HEATR5B: variants seen among roughly 807,000 people sequenced by gnomAD.
HEATR5B encodes HEAT repeat containing 5B, also known as HEAT repeat-containing protein 5B.
A neutral mutation model predicts 224.1 loss-of-function variants in HEATR5B; 156 were observed. That is an observed-to-expected ratio of 0.70 (90% confidence interval 0.61 to 0.80). HEATR5B has a LOEUF of 0.80. Ranked by LOEUF, HEATR5B falls within the 30% of genes least tolerant of loss-of-function variation. The pLI, the probability that HEATR5B is intolerant of heterozygous loss-of-function variation, is 0.00. For synonymous variants in HEATR5B, 1,027 were observed against 893.0 expected, an observed-to-expected ratio of 1.15 and a Z score of -2.68; for missense variants, 2,323 against 2,535.5, an observed-to-expected ratio of 0.92 and a Z score of 1.80.
chr2:37,076,126 T>C (rs1335308228), intron 4 of HEATR5B: 1 of 87,380 alleles, frequency 1.1e-5, no homozygotes, highest in Non-Finnish European at 2.4e-5. Flanking sequence ...GTGCTTATTG[T>C]TATTTCTGAT....
chr2:36,985,252 A>C, intron 35 of HEATR5B, among the ~76,000 whole-genome samples: 1 of 152,094 alleles, frequency 6.6e-6, no homozygotes, highest in East Asian at 1.9e-4. Flanking sequence ...GTATCCTCCT[A>C]ATGAGTGTCA....
chr2:36,986,099 T>C (rs796081549), intron 35 of HEATR5B, among the ~76,000 whole-genome samples: 18 of 152,234 alleles, frequency 1.2e-4, no homozygotes, highest in African/African-American at 4.3e-4. Flanking sequence ...TAGAACGCAA[T>C]AAAACTTAGT....
chr2:36,992,278 A>G (rs1466770275), intron 33 of HEATR5B, among the ~76,000 whole-genome samples: 1 of 152,170 alleles, frequency 6.6e-6, no homozygotes, highest in Non-Finnish European at 1.5e-5. Flanking sequence ...TGAGTCACGA[A>G]TGTTAAAAAC....
intron 33 of HEATR5B, among the ~76,000 whole-genome samples, chr2:36,997,567 C>CT (rs10699174): frequency 0.22 from 28,079 of 129,326 alleles, 4,373 homozygotes; most frequent in East Asian, 0.65. Context: ...CTCTGCCATT[C>CT]TTTTTTTTTT....
intron 16 of HEATR5B, 56 bp downstream of exon 16, chr2:37,056,384 T>G (rs1233120967): frequency 2.1e-5 from 27 of 1,260,640 alleles, no homozygotes; most frequent in Non-Finnish European, 2.9e-5. Flanking sequence ...AAAATCTACT[T>G]TTCGTTTAAC....
At chr2:37,074,300 G>A (rs1035892859) in intron 5 of HEATR5B, among the ~76,000 whole-genome samples, 1 of 148,594 alleles carries the variant, frequency 6.7e-6, no homozygotes, top group African/African-American at 2.5e-5. Context: ...TCCAGCCTGG[G>A]GACAGAGCAA....
At chr2:37,033,283 A>G (rs1472029230) in intron 21 of HEATR5B, among the ~76,000 whole-genome samples, 1 of 152,142 alleles carries the variant, frequency 6.6e-6, no homozygotes, top group South Asian at 2.1e-4. Flanking sequence ...AAATACTACT[A>G]CTAATAAAAT....
intron 3 of HEATR5B, among the ~76,000 whole-genome samples, chr2:37,077,310 CT>C (rs1226282745): frequency 5.4e-4 from 78 of 145,208 alleles, no homozygotes; most frequent in Admixed American, 8.9e-4. Flanking sequence ...CCAAGCTTTT[CT>C]TTTTTTTTTT....
intron 33 of HEATR5B, among the ~76,000 whole-genome samples, chr2:36,997,413 T>G (rs1168810138): frequency 6.6e-6 from 1 of 152,020 alleles, no homozygotes; most frequent in East Asian, 1.9e-4. Flanking sequence ...GGTCACAAAC[T>G]CCTCTGCTCA....
rs148086344 is a variant in HEATR5B, at chr2:37,040,471, C to A, written c.2904G>T (p.Pro968=). 188 of 1,613,670 alleles carry A rather than the reference C, an allele frequency of 1.2e-4. 2 individuals carry two copies. The South Asian group carries it at 1.9e-3, about 16-fold the overall frequency. ...TTGGTTCCACATAGCCACGATACAT[C>A]GGACCACTAGAATCCACTATCAAAG... ...SLALIVDSSG[P]MYRGYVEPTL... is the part of the protein sequence containing the mutation. Residue 968 remains proline, a synonymous_variant, in exon 20 of 36, where the codon CCG becomes CCT. Coordinates refer to ENST00000233099, the MANE Select transcript of HEATR5B (RefSeq NM_019024.3).
At chr2:37,072,498 G>A (rs1229733419) in intron 5 of HEATR5B, among the ~76,000 whole-genome samples, 1 of 152,174 alleles carries the variant, frequency 6.6e-6, no homozygotes, top group Admixed American at 6.5e-5. Context: ...ACTGCCTTGA[G>A]AGAGTTTCTA....
intron 26 of HEATR5B, among the ~76,000 whole-genome samples, chr2:37,018,734 G>A (rs951409996): frequency 6.6e-6 from 1 of 152,162 alleles, no homozygotes; most frequent in Non-Finnish European, 1.5e-5. Flanking sequence ...AGGAAGAAGA[G>A]AGTTGCTTAT....
At chr2:37,059,148 A>G (rs1671094496) in intron 12 of HEATR5B, among the ~76,000 whole-genome samples, 161 bp from the exon 13 acceptor site, 1 of 151,872 alleles carries the variant, frequency 6.6e-6, no homozygotes, top group African/African-American at 2.4e-5. Flanking sequence ...CAACAACTAC[A>G]AAGAAAAATC....
intron 29 of HEATR5B, 25 bp downstream of exon 29, chr2:37,007,025 A>G (rs1360158699): frequency 6.2e-7 from 1 of 1,605,842 alleles, no homozygotes; most frequent in Middle Eastern, 1.7e-4. Context: ...GATAATCTTG[A>G]AATATATTAA....
chr2:37,053,756 C>G (rs1670707268), intron 16 of HEATR5B, 149 bp from the exon 17 acceptor site: 1 of 538,004 alleles, frequency 1.9e-6, no homozygotes, highest in East Asian at 2.9e-5. Context: ...TAGTCCAAAC[C>G]AGATCTCCTT....
chr2:37,065,216 T>A (rs1671517930), intron 9 of HEATR5B, among the ~76,000 whole-genome samples: 3 of 152,202 alleles, frequency 2.0e-5, no homozygotes, highest in African/African-American at 7.2e-5. Context: ...TTAATAGAAG[T>A]CTTCAACAAA....
intron 14 of HEATR5B, among the ~76,000 whole-genome samples, chr2:37,057,722 G>C (rs1244303446): frequency 6.6e-6 from 1 of 152,084 alleles, no homozygotes; most frequent in Non-Finnish European, 1.5e-5. Context: ...TCAAATAGAG[G>C]AAAGAGAGGC....
chr2:36,986,694 T>C (rs1665969704), intron 35 of HEATR5B, among the ~76,000 whole-genome samples: 1 of 152,204 alleles, frequency 6.6e-6, no homozygotes, highest in African/African-American at 2.4e-5. Flanking sequence ...CTCAGCTCAC[T>C]GCAACCTCCG....
At chr2:37,025,684 A>G (rs1169628470) in intron 24 of HEATR5B, among the ~76,000 whole-genome samples, 1 of 152,154 alleles carries the variant, frequency 6.6e-6, no homozygotes, top group Non-Finnish European at 1.5e-5. Context: ...AAAACCTGTG[A>G]GGATCTCTGA....
Sources: allele counts gnomAD v4.1 joint callset (sites outside exome capture counted in the v4.1 genomes callset), GRCh38; gene constraint gnomAD v4.1.1; transcripts MANE v1.5; gene names NCBI Gene and HGNC (gene_info 2026-07-23, HGNC 2026-07-21).